The following BLTP3A variants were observed in gnomAD, a reference collection of about 807,000 sequenced individuals.
BLTP3A encodes ICBP90 binding protein 1.
chr6:34,808,353 A>AAAAAAAAAAAAAAAAAAG, the BLTP3A span, among the ~76,000 whole-genome samples: 1 of 149,798 alleles, frequency 6.7e-6, no homozygotes, highest in Non-Finnish European at 1.5e-5. Context: ...TCTCAAAAAA[A>AAAAAAAAAAAAAAAAAAG]AAAAAAAAAA....
the BLTP3A span, among the ~76,000 whole-genome samples, chr6:34,838,730 A>C: frequency 6.6e-6 from 1 of 152,212 alleles, no homozygotes; most frequent in Non-Finnish European, 1.5e-5. Context: ...AGATTCCTTG[A>C]GCCCAGGTGT....
At chr6:34,875,140 A>G in the BLTP3A span, 4 of 152,620 alleles carry the variant, frequency 2.6e-5, no homozygotes, top group Non-Finnish European at 4.4e-5. Flanking sequence ...GAAACTATAC[A>G]TGGGTGCAGG....
At chr6:34,857,806 T>A in the BLTP3A span, 1 of 1,614,090 alleles carries the variant, frequency 6.2e-7, no homozygotes, top group Non-Finnish European at 8.5e-7. Flanking sequence ...GAAACCTCTT[T>A]TGCCTGGATT....
the BLTP3A span, chr6:34,867,662 G>A: frequency 2.5e-6 from 4 of 1,580,912 alleles, no homozygotes; most frequent in Middle Eastern, 6.9e-4. Flanking sequence ...ACTTGTCTAG[G>A]ACAGCCATAG....
At chr6:34,832,968 C>T in the BLTP3A span, among the ~76,000 whole-genome samples, 1 of 151,968 alleles carries the variant, frequency 6.6e-6, no homozygotes, top group Admixed American at 6.6e-5. Flanking sequence ...GTGATTTCAC[C>T]TACATGTCAA....
the BLTP3A span, among the ~76,000 whole-genome samples, chr6:34,834,042 C>T: frequency 2.6e-5 from 4 of 151,812 alleles, no homozygotes; most frequent in Admixed American, 1.3e-4. Context: ...TTCAAGGCTG[C>T]AGTGAGCTGT....
chr6:34,792,777 A>C, the BLTP3A span, among the ~76,000 whole-genome samples: 1 of 152,004 alleles, frequency 6.6e-6, no homozygotes, highest in East Asian at 1.9e-4. Flanking sequence ...CCCAGATCCT[A>C]TGCCCCTGCC....
At chr6:34,846,874 G>A in the BLTP3A span, among the ~76,000 whole-genome samples, 1,919 of 152,214 alleles carry the variant, frequency 0.013, 27 homozygotes, top group Non-Finnish European at 0.02. Context: ...CAGTTTTCCC[G>A]CATTGAGTAT....
the BLTP3A span, among the ~76,000 whole-genome samples, chr6:34,852,520 C>T: frequency 1.3e-5 from 2 of 151,378 alleles, no homozygotes; most frequent in African/African-American, 4.9e-5. Flanking sequence ...AAGACAAAGT[C>T]CCCTGTATTC....
At chr6:34,825,338 G>A in the BLTP3A span, among the ~76,000 whole-genome samples, 6 of 149,300 alleles carry the variant, frequency 4.0e-5, no homozygotes, top group Non-Finnish European at 8.9e-5. Flanking sequence ...ATGGAGTTTC[G>A]CTTTTGTCGC....
the BLTP3A span, among the ~76,000 whole-genome samples, chr6:34,848,301 T>TAATC: frequency 1.2e-4 from 18 of 148,320 alleles, no homozygotes; most frequent in Admixed American, 4.0e-4. Context: ...AAAATAATAA[T>TAATC]AATCAATCAA....
chr6:34,821,944 C>A, the BLTP3A span: 2 of 1,614,174 alleles, frequency 1.2e-6, no homozygotes, highest in Admixed American at 3.3e-5. Context: ...GAAGACACAC[C>A]CTATTTGCTT....
chr6:34,830,088 C>G, the BLTP3A span, among the ~76,000 whole-genome samples: 1 of 151,836 alleles, frequency 6.6e-6, no homozygotes, highest in Non-Finnish European at 1.5e-5. Flanking sequence ...GATGGGATTA[C>G]AGGTGTGAGC....
At chr6:34,799,567 T>C in the BLTP3A span, among the ~76,000 whole-genome samples, 2 of 152,118 alleles carry the variant, frequency 1.3e-5, no homozygotes, top group African/African-American at 4.8e-5. Flanking sequence ...TTCAACAGCA[T>C]AATATATGGT....
At chr6:34,843,422 C>G in the BLTP3A span, among the ~76,000 whole-genome samples, 67,899 of 152,008 alleles carry the variant, frequency 0.45, 17,198 homozygotes, top group African/African-American at 0.7. Flanking sequence ...TGACACTACT[C>G]AATGAGTAAT....
At chr6:34,857,695 A>C in the BLTP3A span, 1 of 1,599,526 alleles carries the variant, frequency 6.3e-7, no homozygotes, top group South Asian at 1.1e-5. Flanking sequence ...TTTTTACAGG[A>C]TGTTTCTTTT....
the BLTP3A span, chr6:34,872,038 G>A: frequency 1.0e-5 from 11 of 1,066,138 alleles, no homozygotes; most frequent in South Asian, 1.4e-4. Flanking sequence ...CTGCATGTGG[G>A]TGTTTTGGGT....
chr6:34,854,115 A>G, the BLTP3A span, among the ~76,000 whole-genome samples: 2 of 152,064 alleles, frequency 1.3e-5, no homozygotes, highest in South Asian at 2.1e-4. Context: ...CCAGCTACTC[A>G]GGAGGCTGAG....
the BLTP3A span, chr6:34,859,234 C>G: frequency 6.2e-7 from 1 of 1,614,142 alleles, no homozygotes; most frequent in Admixed American, 1.7e-5. Flanking sequence ...CTCAGGTCCA[C>G]TTGCCCAGCA....
Sources: allele counts gnomAD v4.1 joint callset (sites outside exome capture counted in the v4.1 genomes callset), GRCh38; gene constraint gnomAD v4.1.1; transcripts MANE v1.5; gene names NCBI Gene and HGNC (gene_info 2026-07-23, HGNC 2026-07-21).